The following TXNRD1 variants were observed in gnomAD, a reference collection of about 807,000 sequenced individuals.
The protein encoded by TXNRD1 is thioredoxin reductase 1, also known as thioredoxin reductase 1, cytoplasmic.
Under a neutral mutation model 80.3 loss-of-function variants are expected in TXNRD1, and 57 were observed. The observed-to-expected ratio is 0.71, with a 90% confidence interval of 0.57 to 0.89. The LOEUF is 0.89. TXNRD1 is among the 40% of genes least tolerant of loss of function. TXNRD1 has a pLI of 0.00. For missense variants in TXNRD1, 730 were observed against 803.0 expected (o/e 0.91, Z 1.10); for synonymous variants, 291 against 285.2 (o/e 1.02, Z -0.20).
In TXNRD1 at chr12:104,215,884, C is replaced by T. The variant is rs1352271836; in HGVS notation, c.82C>T (p.Arg28Cys). Residue 28 changes from arginine to cysteine, a missense_variant, in exon 1 of 17, where the codon CGT becomes TGT. Coordinates refer to ENST00000525566, the MANE Select transcript of TXNRD1 (RefSeq NM_001093771.3). ...QTKGKNGDGR[R>C]RSAKDHHPGK... ...GAAAGGCAAGAACGGCGATGGCCGC[C>T]GTAGGTCAGGTACGACCGAGGGCGA... is the stretch of plus-strand genomic sequence containing the variant. 2 of 1,555,886 alleles carry T rather than the reference C, an allele frequency of 1.3e-6. No individual in the cohort carries two copies. Among genetic ancestry groups the T allele is most frequent in the Non-Finnish European group, 8.7e-7 (1 of 1,150,144 alleles).
chr12:104,302,474 T>C (rs2034664992), intron 4 of TXNRD1, among the ~76,000 whole-genome samples: 2 of 145,238 alleles, frequency 1.4e-5, no homozygotes, highest in South Asian at 2.2e-4. Flanking sequence ...AAAAACCAGA[T>C]GTATTCATTC....
intron 4 of TXNRD1, among the ~76,000 whole-genome samples, chr12:104,302,608 G>A (rs2034681222): frequency 6.9e-6 from 1 of 145,744 alleles, no homozygotes; most frequent in South Asian, 2.2e-4. Context: ...TTCTGCCTCA[G>A]CCTACCGAGT....
intron 16 of TXNRD1, among the ~76,000 whole-genome samples, chr12:104,342,091 C>T (rs976454496): frequency 2.0e-5 from 3 of 151,998 alleles, no homozygotes; most frequent in Admixed American, 6.6e-5. Context: ...TTCTCCAAAC[C>T]CCTTATTTAG....
In TXNRD1 at chr12:104,313,264, A is replaced by G. The variant is rs1405892530; in HGVS notation, c.557A>G (p.Lys186Arg). Residue 186 changes from lysine (K) to arginine (R), a missense_variant, in exon 6 of 17, where the codon AAG becomes AGG. Transcript: ENST00000525566. ...TTCCAGGAGGCAGCCCAATATGGCA[A>G]GAAGGTGATGGTCCTGGACTTTGTC... ...AAAKEAAQYG[K>R]KVMVLDFVTP... 1 of 1,588,906 alleles carries G rather than the reference A, an allele frequency of 6.3e-7. No individual in the cohort carries two copies. The highest frequency in any genetic ancestry group is 2.3e-5 in the East Asian group (1 of 44,326).
intron 3 of TXNRD1, among the ~76,000 whole-genome samples, chr12:104,268,266 C>T (rs543089455): frequency 4.0e-5 from 6 of 151,182 alleles, no homozygotes; most frequent in African/African-American, 1.2e-4. Flanking sequence ...AATCCCAGCA[C>T]TTTGGGAGGC....
At position 104,327,536 on chromosome 12, in the gene TXNRD1, A is replaced by G; in HGVS notation, c.1407A>G (p.Thr469=). The G allele has an allele frequency of 6.2e-7, 1 of 1,613,014 alleles. No individual in the cohort carries two copies. The highest frequency in any genetic ancestry group is 8.5e-7 in the Non-Finnish European group (1 of 1,179,296). The change falls in exon 13 of 17, where the codon ACA becomes ACG. Residue 469 remains threonine (T), a synonymous_variant. Coordinates refer to ENST00000525566, the MANE Select transcript of TXNRD1 (RefSeq NM_001093771.3). ...INEKTGKIPV[T]DEEQTNVPYI... is the part of the protein sequence containing the mutation. ...GCAGGACTGGAAAAATACCTGTCACAGATGAAGAACAGACCAATGTGCCTT... is the reference window on the plus strand; with the variant it reads ...GCAGGACTGGAAAAATACCTGTCACGGATGAAGAACAGACCAATGTGCCTT...
intron 3 of TXNRD1, chr12:104,287,015 T>C: frequency 7.4e-7 from 1 of 1,351,038 alleles, no homozygotes; most frequent in East Asian, 3.0e-5. Context: ...AGCAACCCTT[T>C]CACCTCAGTT....
At chr12:104,313,902 G>A (rs2035227393) in intron 6 of TXNRD1, among the ~76,000 whole-genome samples, 1 of 152,210 alleles carries the variant, frequency 6.6e-6, no homozygotes, top group African/African-American at 2.4e-5. Context: ...TAGTGGCATA[G>A]AGAGGAAGTG....
intron 14 of TXNRD1, among the ~76,000 whole-genome samples, chr12:104,333,003 T>G (rs2036011845): frequency 6.6e-6 from 1 of 151,802 alleles, no homozygotes; most frequent in African/African-American, 2.4e-5. Context: ...GTTACAGTTT[T>G]AGGTCCAAGC....
chr12:104,348,714 T>C lies in TXNRD1; in HGVS notation c.*293T>C. The C allele has an allele frequency of 2.7e-6, 1 of 367,214 alleles. No homozygotes were observed. Among genetic ancestry groups the C allele is most frequent in the Non-Finnish European group, 4.9e-6 (1 of 202,780 alleles). 22.7% of individuals were successfully genotyped at this position (367,214 alleles called of 1,614,324 possible). ...ATGTGGTAGGCGGTGATGGAACAAC[T>C]GTCAAATCAGTTTTAGCATGACCTT... On this transcript the variant is annotated 3_prime_UTR_variant, in exon 17 of 17. Coordinates refer to ENST00000525566, the MANE Select transcript of TXNRD1 (RefSeq NM_001093771.3).
rs185066482 is a variant in TXNRD1 at position 104,330,160 on chromosome 12, G to A, written c.1543-1374G>A. Reference sequence around the variant, plus strand: ...TGGATTATATTTATTGTTTCTAGAGGGGAGCATATTTTAAAGATTTTATCT... The same window carrying A: ...TGGATTATATTTATTGTTTCTAGAGAGGAGCATATTTTAAAGATTTTATCT... On this transcript the variant is annotated intron_variant, in intron 13 of 16. Coordinates refer to ENST00000525566, the MANE Select transcript of TXNRD1 (RefSeq NM_001093771.3). Among the ~76,000 whole-genome samples the A allele has an allele frequency of 3.9e-4, 59 of 152,146 alleles. 1 individual carries two copies. Among genetic ancestry groups the A allele is most frequent in the African/African-American group, 1.2e-3 (51 of 41,506 alleles).
intron 3 of TXNRD1, among the ~76,000 whole-genome samples, chr12:104,264,068 G>A (rs2033423610): frequency 6.6e-6 from 1 of 152,158 alleles, no homozygotes; most frequent in African/African-American, 2.4e-5. Context: ...AGGTACCCTA[G>A]CTAGCTCAGT....
At chr12:104,231,876 C>G (rs2032632680) in intron 1 of TXNRD1, among the ~76,000 whole-genome samples, 1 of 152,136 alleles carries the variant, frequency 6.6e-6, no homozygotes, top group Non-Finnish European at 1.5e-5. Flanking sequence ...CAGGAATAAG[C>G]AGGGTTAGTT....
chr12:104,304,856 T>C (rs372620381), intron 4 of TXNRD1: 31 of 1,613,962 alleles, frequency 1.9e-5, no homozygotes, highest in Admixed American at 3.3e-5. Context: ...GGGAGTTATA[T>C]CTTTGACTTT....
intron 4 of TXNRD1, among the ~76,000 whole-genome samples, chr12:104,291,785 T>C (rs1324912326): frequency 6.6e-6 from 1 of 152,146 alleles, no homozygotes; most frequent in African/African-American, 2.4e-5. Context: ...CCCAGCCCTA[T>C]TTTTGTTTTT....
At chr12:104,299,212 G>A (rs149923648) in intron 4 of TXNRD1, among the ~76,000 whole-genome samples, 145 of 152,154 alleles carry the variant, frequency 9.5e-4, no homozygotes, top group Admixed American at 2.2e-3. Context: ...TCCTTCAAGG[G>A]TCAACTGCAG....
chr12:104,325,085 A>G (rs1383059955), intron 10 of TXNRD1, among the ~76,000 whole-genome samples: 1 of 151,880 alleles, frequency 6.6e-6, no homozygotes, highest in Non-Finnish European at 1.5e-5. Flanking sequence ...TTTCCCCCCC[A>G]TTTTTCTCTG....
intron 4 of TXNRD1, chr12:104,290,884 G>A (rs868075609): frequency 6.7e-5 from 36 of 540,546 alleles, no homozygotes; most frequent in Admixed American, 4.4e-4. Context: ...ATGGCAATGG[G>A]AGTAAAAAGA....
At chr12:104,309,952 T>C (rs940616761) in intron 4 of TXNRD1, 8 of 1,535,874 alleles carry the variant, frequency 5.2e-6, no homozygotes, top group Non-Finnish European at 6.1e-6. Context: ...TGCCAACAGG[T>C]AGCCACAGTG....
Sources: allele counts gnomAD v4.1 joint callset (sites outside exome capture counted in the v4.1 genomes callset), GRCh38; gene constraint gnomAD v4.1.1; transcripts MANE v1.5; gene names NCBI Gene and HGNC (gene_info 2026-07-23, HGNC 2026-07-21).